Variants in LRP2 observed in about 807,000 individuals in gnomAD.
LRP2 encodes low-density lipoprotein receptor-related protein 2.
LRP2 carries 172 observed loss-of-function variants against 531.0 expected under a neutral mutation model. The ratio of observed to expected loss-of-function variants is 0.32; its 90% confidence interval spans 0.29 to 0.37. The LOEUF is 0.37. Among genes scored for constraint, LRP2 ranks in the 10% least tolerant of loss-of-function variants. The pLI is 1.00. For synonymous variants in LRP2, 1,992 were observed against 2,027.6 expected (o/e 0.98, Z 0.47); for missense variants, 5,167 against 5,868.3 (o/e 0.88, Z 3.90).
At chr2:169,298,959 C>A (rs974660961) in intron 4 of LRP2, among the ~76,000 whole-genome samples, 3 of 151,318 alleles carry the variant, frequency 2.0e-5, no homozygotes, top group African/African-American at 4.9e-5. Flanking sequence ...AGGAAAAAAA[C>A]AGAGAAGCAT....
rs533802838 is a variant in LRP2 at position 169,283,084 on chromosome 2, G to A, written c.1043-83C>T. On this transcript the variant is annotated intron_variant, in intron 9 of 78. Coordinates refer to ENST00000649046, the MANE Select transcript of LRP2 (RefSeq NM_004525.3). ...TCTGACAAAAATCCTAGATAAGATG[G>A]CCAAGAATGTGGTGTTGCCCATGTC... 3.5e-4 allele frequency: 499 copies of A among 1,429,226 alleles called. 2 individuals are homozygous for A. Among genetic ancestry groups the A allele is most frequent in the Middle Eastern group, 1.4e-3 (8 of 5,732 alleles). The allele number at this position is 1,429,226 out of a possible 1,614,324, so 88.5% of individuals were successfully genotyped here. A position where few individuals can be genotyped will look rare whatever the true frequency, so the allele number is the denominator to read the frequency against.
chr2:169,132,424 T>C (rs1685326593), intron 77 of LRP2, 150 bp downstream of exon 77: 1 of 625,394 alleles, frequency 1.6e-6, no homozygotes, highest in African/African-American at 1.9e-5. Context: ...AATCTATGAC[T>C]TTTTAAAAAA....
intron 52 of LRP2, among the ~76,000 whole-genome samples, chr2:169,179,130 C>G (rs1345975404): frequency 6.6e-6 from 1 of 152,044 alleles, no homozygotes; most frequent in Non-Finnish European, 1.5e-5. Flanking sequence ...CCACCTCAGT[C>G]TTCTGAGTAG....
rs1350625510 is a variant in LRP2, at chr2:169,211,973, C to T, written c.6275G>A (p.Gly2092Asp). ...TTATATTGGAGTTGGCATACCTTGG[C>T]CTGCCACCGGCACCATGGTTTCTGA... ...DHSETMVPVAGQGRNALHVDV... is the reference protein window; with the variant it reads ...DHSETMVPVADQGRNALHVDV... The change falls in exon 37 of 79, where the codon GGC (glycine) becomes GAC (aspartate). Residue 2092 changes from glycine (G) to aspartate (D), a missense_variant. This residue lies in a region of LRP2 where 2,811 missense variants were observed against 3,058.0 expected (regional missense o/e 0.92). Coordinates refer to ENST00000649046, the MANE Select transcript of LRP2 (RefSeq NM_004525.3). 6.2e-7 allele frequency: 1 copy of T among 1,613,906 alleles called. No homozygotes were observed. Among genetic ancestry groups the T allele is most frequent in the Admixed American group, 1.7e-5 (1 of 60,008 alleles).
At chr2:169,345,617 T>TGC (rs903534710) in intron 1 of LRP2, among the ~76,000 whole-genome samples, 6 of 152,132 alleles carry the variant, frequency 3.9e-5, no homozygotes, top group African/African-American at 1.4e-4. Flanking sequence ...TACAGAACTG[T>TGC]GCACACACAC....
intron 1 of LRP2, among the ~76,000 whole-genome samples, chr2:169,326,124 T>C: frequency 8.0e-6 from 1 of 125,696 alleles, no homozygotes; most frequent in Non-Finnish European, 1.6e-5. Flanking sequence ...ATGGTCCTTT[T>C]TTGCTCTGCC....
chr2:169,310,443 C>T (rs560833712), intron 3 of LRP2, among the ~76,000 whole-genome samples: 21 of 152,238 alleles, frequency 1.4e-4, no homozygotes, highest in South Asian at 8.3e-4. Flanking sequence ...GCCTTTTCTG[C>T]GTCTATTGAG....
At chr2:169,288,767 C>T (rs542454400) in intron 9 of LRP2, among the ~76,000 whole-genome samples, 2 of 152,294 alleles carry the variant, frequency 1.3e-5, no homozygotes, top group African/African-American at 2.4e-5. Context: ...GACTACCGCC[C>T]TCATCAAGTA....
chr2:169,294,356 G>T, intron 5 of LRP2, 95 bp from the exon 6 acceptor site: 2 of 845,884 alleles, frequency 2.4e-6, no homozygotes, highest in Non-Finnish European at 4.1e-6. Context: ...GTTTAAAAAG[G>T]GATTCTTATT....
chr2:169,333,974 A>G (rs1685335214), intron 1 of LRP2, among the ~76,000 whole-genome samples: 1 of 152,232 alleles, frequency 6.6e-6, no homozygotes, highest in African/African-American at 2.4e-5. Context: ...AGAATCAACA[A>G]TATTACATTG....
intron 63 of LRP2, 52 bp downstream of exon 63, chr2:169,162,420 T>A: frequency 1.2e-6 from 2 of 1,603,974 alleles, no homozygotes; most frequent in Non-Finnish European, 1.7e-6. Context: ...CATGTTTTAA[T>A]TAGGTAAACC....
chr2:169,225,471 G>A lies in LRP2; in HGVS notation c.5395-18C>T, dbSNP rs527704860. The A allele has an allele frequency of 2.5e-6, 4 of 1,613,696 alleles. No individual in the cohort carries two copies. The African/African-American group carries it at 4.0e-5, about 16-fold the overall frequency. On this transcript the variant is annotated intron_variant, in intron 32 of 78. Coordinates refer to ENST00000649046, the MANE Select transcript of LRP2 (RefSeq NM_004525.3). ...ATTTCACCCTGGAAAGAAAGACAAG[G>A]GGAGGTGAGCAGTTCCAAGGCCATG...
chr2:169,151,114 T>C, intron 67 of LRP2, 88 bp from the exon 68 acceptor site: 2 of 1,419,564 alleles, frequency 1.4e-6, no homozygotes, highest in East Asian at 4.6e-5. Context: ...GCATTTCGTT[T>C]GGCTGGTGAG....
At position 169,156,146 on chromosome 2, in the gene LRP2, C is replaced by G. The variant is rs1216620191; in HGVS notation, c.12151+128G>C. 2.4e-6 allele frequency: 3 copies of G among 1,265,428 alleles called. No homozygotes were observed. The East Asian group carries it at 7.2e-5, about 30-fold the overall frequency. The allele number at this position is 1,265,428 out of a possible 1,614,324, so 78.4% of individuals were successfully genotyped here. A position where few individuals can be genotyped will look rare whatever the true frequency, so the allele number is the denominator to read the frequency against. On this transcript the variant is annotated intron_variant, in intron 65 of 78. Transcript: ENST00000649046. The stretch of plus-strand genomic sequence containing the variant: ...TAAAGAGGTGTTGGAAGAGAAGCAG[C>G]TGGCGAGTTTAAAAAAAAAGAAAGA...
chr2:169,315,959 CA>C (rs536458606), intron 3 of LRP2, among the ~76,000 whole-genome samples: 11,762 of 74,102 alleles, frequency 0.16, 432 homozygotes, highest in Middle Eastern at 0.18. Context: ...CCCATCTCTA[CA>C]AAAAAAAAAA....
chr2:169,312,250 G>T (rs894004357), intron 3 of LRP2, among the ~76,000 whole-genome samples: 4 of 152,020 alleles, frequency 2.6e-5, no homozygotes, highest in African/African-American at 9.7e-5. Context: ...TCATTATGAT[G>T]TTAGCTGGTT....
At chr2:169,157,677 C>A (rs997308385) in intron 63 of LRP2, among the ~76,000 whole-genome samples, 175 bp from the exon 64 acceptor site, 1 of 151,876 alleles carries the variant, frequency 6.6e-6, no homozygotes, top group South Asian at 2.1e-4. Flanking sequence ...TATTTCTGAT[C>A]GTGATCTGAA....
intron 47 of LRP2, among the ~76,000 whole-genome samples, chr2:169,193,493 T>G (rs1168439464): frequency 2.0e-5 from 3 of 149,612 alleles, no homozygotes; most frequent in Non-Finnish European, 3.0e-5. Context: ...ATTTGTGGGT[T>G]TTTTTTTTCC....
intron 63 of LRP2, among the ~76,000 whole-genome samples, chr2:169,162,128 T>A (rs3821124): frequency 2.6e-5 from 4 of 152,056 alleles, no homozygotes; most frequent in African/African-American, 9.7e-5. Context: ...GGAAGAGGAC[T>A]TGCTCTGCAG....
Sources: allele counts gnomAD v4.1 joint callset (sites outside exome capture counted in the v4.1 genomes callset), GRCh38; gene constraint gnomAD v4.1.1; regional missense constraint gnomAD v4.1.1; transcripts MANE v1.5; gene names NCBI Gene and HGNC (gene_info 2026-07-23, HGNC 2026-07-21).